Variants in CDC42BPA observed in about 807,000 individuals in gnomAD.
CDC42BPA encodes CDC42 binding protein kinase alpha, also known as serine/threonine-protein kinase MRCK alpha.
In CDC42BPA, 80 loss-of-function variants were observed where a neutral mutation model predicts 223.5. The observed-to-expected ratio is 0.36, with a 90% CI of 0.30 to 0.43. The LOEUF is 0.43. Ranked by LOEUF, CDC42BPA falls within the 20% of genes least tolerant of loss-of-function variation. The probability of loss-of-function intolerance (pLI) is 1.00; values close to 1 mark genes in which losing one functional copy is unlikely to be tolerated. For missense variants in CDC42BPA, 1,743 were observed against 2,099.9 expected (o/e 0.83, Z 3.32); for synonymous variants, 694 against 718.6 (o/e 0.97, Z 0.55).
chr1:227,191,694 G>GA (rs34358387), intron 5 of CDC42BPA, among the ~76,000 whole-genome samples: 102,422 of 151,988 alleles, frequency 0.67, 34,805 homozygotes, highest in South Asian at 0.73. Context: ...AATATTCAAC[G>GA]AAATAGTATT....
chr1:227,263,825 A>C (rs1205442964), intron 1 of CDC42BPA, among the ~76,000 whole-genome samples: 2 of 151,888 alleles, frequency 1.3e-5, no homozygotes, highest in Non-Finnish European at 2.9e-5. Context: ...CAGGTGATCC[A>C]CCCACCTCAG....
At chr1:227,214,603 G>A (rs1674506827) in intron 2 of CDC42BPA, among the ~76,000 whole-genome samples, 1 of 152,096 alleles carries the variant, frequency 6.6e-6, no homozygotes, top group East Asian at 1.9e-4. Context: ...ATGGATAGAG[G>A]GACAGGAGCA....
At chr1:227,201,729 A>G (rs896024668) in intron 3 of CDC42BPA, among the ~76,000 whole-genome samples, 3 of 150,488 alleles carry the variant, frequency 2.0e-5, no homozygotes, top group African/African-American at 4.9e-5. Flanking sequence ...CACCTCCCCT[A>G]TATTTTTTGG....
chr1:226,995,085 C>A, intron 35 of CDC42BPA, 105 bp from the exon 36 acceptor site: 1 of 966,736 alleles, frequency 1.0e-6, no homozygotes, highest in Non-Finnish European at 1.6e-6. Flanking sequence ...AGGCCCCAGA[C>A]CACTCCTCCC....
chr1:227,077,786 T>C (rs1421387020), intron 17 of CDC42BPA, among the ~76,000 whole-genome samples: 2 of 152,184 alleles, frequency 1.3e-5, no homozygotes, highest in African/African-American at 2.4e-5. Flanking sequence ...TTAACTTTCC[T>C]ACTTCAATGA....
intron 1 of CDC42BPA, among the ~76,000 whole-genome samples, chr1:227,287,319 G>A (rs1194574936): frequency 1.3e-5 from 2 of 152,092 alleles, no homozygotes; most frequent in African/African-American, 4.8e-5. Flanking sequence ...CTGGCATCTG[G>A]GAACTTAGAT....
At chr1:227,071,985 T>C (rs956080362) in intron 20 of CDC42BPA, among the ~76,000 whole-genome samples, 10 of 151,882 alleles carry the variant, frequency 6.6e-5, no homozygotes, top group Admixed American at 3.3e-4. Context: ...TATGAAATCA[T>C]TAAACAATGC....
intron 21 of CDC42BPA, among the ~76,000 whole-genome samples, chr1:227,065,541 G>A (rs1241241388): frequency 1.3e-5 from 2 of 152,226 alleles, no homozygotes; most frequent in Non-Finnish European, 2.9e-5. Context: ...AAAAAGGAAA[G>A]CATGTTGCTC....
chr1:226,995,526 A>G (rs1275110472), intron 35 of CDC42BPA, among the ~76,000 whole-genome samples: 12 of 152,350 alleles, frequency 7.9e-5, no homozygotes, highest in Non-Finnish European at 1.5e-4. Flanking sequence ...CCACTCAATG[A>G]AGAAATATCG....
At position 227,074,324 on chromosome 1, in the gene CDC42BPA, A is replaced by G. The variant is rs754020319; in HGVS notation, c.2521T>C (p.Leu841=). ...EKDARGYLQA[L]ASKMTEELEA... ...AATTCTTCAGTCATTTTAGAAGCTA[A>G]GGCCTGAAGATACCCTCGTGCATCC... Residue 841 remains leucine (L), a synonymous_variant, in exon 18 of 37, where the codon TTA becomes CTA. Coordinates refer to ENST00000366766, the MANE Select transcript of CDC42BPA (RefSeq NM_001394014.1). The G allele has an allele frequency of 3.7e-6, 6 of 1,613,750 alleles. No homozygotes were observed. In the South Asian group the frequency reaches 6.6e-5, roughly 18 times the overall value.
intron 2 of CDC42BPA, among the ~76,000 whole-genome samples, chr1:227,237,068 C>T (rs1441429546): frequency 1.6e-5 from 2 of 127,538 alleles, no homozygotes; most frequent in African/African-American, 2.9e-5. Flanking sequence ...AAAAAAAAAG[C>T]GTCTCATATG....
rs765098051 is a variant in CDC42BPA, at chr1:227,163,090, ATG to A, written c.600-2456_600-2455del. Among the ~76,000 whole-genome samples the A allele has an allele frequency of 8.0e-3, 842 of 105,664 alleles. 2 individuals are homozygous for A. Among genetic ancestry groups the A allele is most frequent in the Non-Finnish European group, 0.011 (490 of 46,574 alleles). The allele number at this position is 105,664 out of a possible 152,430, so 69.3% of individuals were successfully genotyped here. A position where few individuals can be genotyped will look rare whatever the true frequency, so the allele number is the denominator to read the frequency against. On this transcript the variant is annotated intron_variant, in intron 5 of 36. Coordinates refer to ENST00000366766, the MANE Select transcript of CDC42BPA (RefSeq NM_001394014.1). ...CATAAATGTGTGTATGTTTCCAAAC[ATG>A]TGTGTTTCCAAACATATATGTGTGT... is the stretch of plus-strand genomic sequence containing the variant.
chr1:227,315,189 A>G (rs1694166792), intron 1 of CDC42BPA, among the ~76,000 whole-genome samples: 1 of 152,098 alleles, frequency 6.6e-6, no homozygotes, highest in Admixed American at 6.5e-5. Context: ...ACTAATAAAA[A>G]TAATACTCAG....
chr1:227,272,613 G>A (rs1251732141), intron 1 of CDC42BPA, among the ~76,000 whole-genome samples: 1 of 152,110 alleles, frequency 6.6e-6, no homozygotes, highest in African/African-American at 2.4e-5. Context: ...TTAGATTTGG[G>A]ATCTCACTAT....
At chr1:227,274,112 C>T (rs747373335) in intron 1 of CDC42BPA, among the ~76,000 whole-genome samples, 4 of 150,698 alleles carry the variant, frequency 2.7e-5, no homozygotes, top group Non-Finnish European at 5.9e-5. Flanking sequence ...GCAGCAATTC[C>T]GTAGTATATA....
chr1:227,090,144 C>T (rs1010989661), intron 16 of CDC42BPA, among the ~76,000 whole-genome samples: 2 of 152,156 alleles, frequency 1.3e-5, no homozygotes, highest in Non-Finnish European at 2.9e-5. Flanking sequence ...CCACTTCCTA[C>T]AATGTTTGTG....
At chr1:227,082,241 T>C (rs1028517964) in intron 16 of CDC42BPA, among the ~76,000 whole-genome samples, 1 of 80,364 alleles carries the variant, frequency 1.2e-5, no homozygotes, top group Non-Finnish European at 2.4e-5. Flanking sequence ...AGATGGGGTC[T>C]TGGCATGTTG....
intron 8 of CDC42BPA, among the ~76,000 whole-genome samples, 166 bp downstream of exon 8, chr1:227,145,323 T>A (rs1012604262): frequency 1.3e-5 from 2 of 152,214 alleles, no homozygotes; most frequent in Non-Finnish European, 2.9e-5. Flanking sequence ...TTAACTTTCT[T>A]CTTAATTTGA....
intron 35 of CDC42BPA, among the ~76,000 whole-genome samples, chr1:227,000,193 C>T (rs1430517254): frequency 6.6e-6 from 1 of 151,946 alleles, no homozygotes; most frequent in African/African-American, 2.4e-5. Context: ...CAACCTCACT[C>T]CTCAGGAGAC....
Sources: gnomAD v4.1 joint callset for allele counts (sites outside exome capture counted in the v4.1 genomes callset) on GRCh38, gnomAD v4.1.1 for gene constraint, MANE v1.5 for transcripts, NCBI Gene and HGNC (gene_info 2026-07-23, HGNC 2026-07-21) for gene names.